Variants in DCAF10 observed in about 807,000 individuals in gnomAD.
The protein encoded by DCAF10 is DDB1 and CUL4 associated factor 10, also known as DDB1- and CUL4-associated factor 10.
Under a neutral mutation model 51.9 loss-of-function variants are expected in DCAF10, and 19 were observed. The observed-to-expected ratio is 0.37, with a 90% CI of 0.26 to 0.54. The LOEUF (loss-of-function observed/expected upper bound fraction) is 0.54. DCAF10 is among the 20% of genes least tolerant of loss of function. DCAF10 has a pLI of 0.87. For missense variants in DCAF10, 510 were observed against 730.6 expected, an observed-to-expected ratio of 0.70 and a Z score of 3.48; for synonymous variants, 291 against 297.1, an observed-to-expected ratio of 0.98 and a Z score of 0.21.
At chr9:37,805,432 G>A (rs142190953) in intron 1 of DCAF10, among the ~76,000 whole-genome samples, 251 of 152,070 alleles carry the variant, frequency 1.7e-3, no homozygotes, top group African/African-American at 2.3e-3. Context: ...TGCAGTGAGC[G>A]GAGATCACAT....
chr9:37,856,913 A>G (rs1447630858), intron 4 of DCAF10, among the ~76,000 whole-genome samples: 1 of 152,250 alleles, frequency 6.6e-6, no homozygotes, highest in Non-Finnish European at 1.5e-5. Context: ...ACATAAAACA[A>G]TAGGCTTAAG....
chr9:37,836,185 G>T (rs1003318884), intron 2 of DCAF10: 4 of 1,458,674 alleles, frequency 2.7e-6, no homozygotes, highest in Non-Finnish European at 3.8e-6. Flanking sequence ...AAGAAGCACG[G>T]AGTTCAGTAT....
chr9:37,840,980 T>C (rs1830318349), intron 2 of DCAF10, among the ~76,000 whole-genome samples: 4 of 152,236 alleles, frequency 2.6e-5, no homozygotes, highest in Non-Finnish European at 5.9e-5. Flanking sequence ...AGTGATAGGC[T>C]ATATACCATA....
Position 37,826,550 on chromosome 9 carries a change from G to A in DCAF10, c.653+7149G>A, listed in dbSNP as rs1829856417. Among the ~76,000 whole-genome samples, 4 of 152,174 alleles carry A rather than the reference G, an allele frequency of 2.6e-5. No homozygotes were observed. In the South Asian group the frequency reaches 8.3e-4, roughly 32 times the overall value. On this transcript the variant is annotated intron_variant, in intron 2 of 6. Transcript: ENST00000377724. ...CTCATAGGATCCACAAGAGCCCACA[G>A]GTTTGAGGTTGTTTGGTGTGGTGTA...
At chr9:37,853,152 C>CA (rs557423413) in intron 3 of DCAF10, among the ~76,000 whole-genome samples, 1,236 of 80,716 alleles carry the variant, frequency 0.015, 23 homozygotes, top group African/African-American at 0.035. Flanking sequence ...AACTCCGTCT[C>CA]AAAAAAAAAA....
chr9:37,823,165 T>C (rs1356198091), intron 2 of DCAF10, among the ~76,000 whole-genome samples: 1 of 152,206 alleles, frequency 6.6e-6, no homozygotes, highest in Non-Finnish European at 1.5e-5. Context: ...TTACAGTGTA[T>C]AGTTATAGAA....
intron 1 of DCAF10, among the ~76,000 whole-genome samples, 195 bp from the exon 2 acceptor site, chr9:37,819,093 C>T (rs1007923268): frequency 5.3e-5 from 8 of 152,010 alleles, no homozygotes; most frequent in Admixed American, 1.3e-4. Flanking sequence ...TTATACTCCA[C>T]GATAATGTAT....
rs377292254 is a variant in DCAF10, at chr9:37,832,746, A to G, written c.654-9343A>G. The stretch of plus-strand genomic sequence containing the variant: ...ATTAAAGAAAATGACATCAATTATG[A>G]CATGATAGACACCTCAAAGCATTAT... On this transcript the variant is annotated intron_variant, in intron 2 of 6. Transcript: ENST00000377724. 2.2e-4 allele frequency among the ~76,000 whole-genome samples: 34 copies of G among 152,354 alleles called. No homozygotes were observed. The East Asian group carries it at 5.8e-3, about 26-fold the overall frequency.
chr9:37,826,604 G>C (rs1829858181), intron 2 of DCAF10, among the ~76,000 whole-genome samples: 1 of 152,150 alleles, frequency 6.6e-6, no homozygotes, highest in African/African-American at 2.4e-5. Flanking sequence ...GGAGCCAACT[G>C]AGTGCCCACC....
chr9:37,859,023 A>G (rs986527385), intron 5 of DCAF10, among the ~76,000 whole-genome samples: 1 of 152,232 alleles, frequency 6.6e-6, no homozygotes, highest in African/African-American at 2.4e-5. Context: ...TGGTTTTGTT[A>G]TAGGTTTTCC....
At chr9:37,802,211 G>A (rs1828974583) in intron 1 of DCAF10, among the ~76,000 whole-genome samples, 1 of 152,174 alleles carries the variant, frequency 6.6e-6, no homozygotes, top group African/African-American at 2.4e-5. Flanking sequence ...TTGAGCACTT[G>A]CTATGTTCCA....
intron 3 of DCAF10, among the ~76,000 whole-genome samples, chr9:37,849,710 G>A (rs1206745719): frequency 2.0e-5 from 3 of 152,092 alleles, no homozygotes; most frequent in Non-Finnish European, 2.9e-5. Context: ...GTGAAACCCC[G>A]TGTCTACTAA....
chr9:37,854,476 A>T lies in DCAF10; in HGVS notation c.852-304A>T, dbSNP rs553349314. 8.5e-5 allele frequency among the ~76,000 whole-genome samples: 13 copies of T among 152,282 alleles called. No homozygotes were observed. The South Asian group carries it at 2.7e-3, about 32-fold the overall frequency. ...AGGGTACAATTTGATGTCTTGACAC[A>T]TATATGTTGTATAATGAGCAAATCA... On this transcript the variant is annotated intron_variant, in intron 3 of 6. Coordinates refer to ENST00000377724, the MANE Select transcript of DCAF10 (RefSeq NM_024345.5).
In DCAF10 at chr9:37,801,217, C is replaced by A. The variant is rs571881171; in HGVS notation, c.351C>A (p.Gly117=). 30 of 1,562,764 alleles carry A rather than the reference C, an allele frequency of 1.9e-5. No homozygotes were observed. The African/African-American group carries it at 4.1e-4, about 21-fold the overall frequency. The part of the protein sequence containing the change: ...RGRHGLGAGL[G]GPGARLFGWL... ...GACACGGCCTCGGCGCGGGCCTGGG[C>A]GGCCCTGGCGCTAGGCTGTTCGGGT... The change falls in exon 1 of 7, where the codon GGC becomes GGA. Residue 117 remains glycine (G), a synonymous_variant. Coordinates refer to ENST00000377724, the MANE Select transcript of DCAF10 (RefSeq NM_024345.5). This position sits in a 1 kb window ranked among gnomAD's most constrained non-coding sequence, Gnocchi z 5.5.
chr9:37,800,897 G>C lies in DCAF10; in HGVS notation c.31G>C (p.Gly11Arg). 6.7e-7 allele frequency: 1 copy of C among 1,498,946 alleles called. No homozygotes were observed. 92.9% of individuals were successfully genotyped at this position (1,498,946 alleles called of 1,614,324 possible). A position where few individuals can be genotyped will look rare whatever the true frequency, so the allele number is the denominator to read the frequency against. The change falls in exon 1 of 7, where the codon GGG becomes CGG. Residue 11 changes from glycine to arginine, a missense_variant. Transcript: ENST00000377724. MFPFGPHSPG[G>R]DGSAGAGAEE... ...TCCCTTTGGGCCCCATAGCCCTGGAGGGGACGGATCGGCCGGAGCCGGGGC... is the reference window on the plus strand; with the variant it reads ...TCCCTTTGGGCCCCATAGCCCTGGACGGGACGGATCGGCCGGAGCCGGGGC...
At chr9:37,856,572 C>G (rs940990877) in intron 4 of DCAF10, among the ~76,000 whole-genome samples, 4 of 152,176 alleles carry the variant, frequency 2.6e-5, no homozygotes, top group Non-Finnish European at 5.9e-5. Flanking sequence ...ATAGACACTG[C>G]TATTTGGAGT....
At chr9:37,853,676 G>A (rs1386518169) in intron 3 of DCAF10, among the ~76,000 whole-genome samples, 1 of 151,828 alleles carries the variant, frequency 6.6e-6, no homozygotes, top group Non-Finnish European at 1.5e-5. Flanking sequence ...GCGCAATCAT[G>A]GCTCACTGCA....
At chr9:37,803,824 GAGA>G (rs1308385011) in intron 1 of DCAF10, among the ~76,000 whole-genome samples, 1 of 150,784 alleles carries the variant, frequency 6.6e-6, no homozygotes, top group Non-Finnish European at 1.5e-5. Context: ...TCTCAATACA[GAGA>G]AGGAGGGGGT....
intron 5 of DCAF10, among the ~76,000 whole-genome samples, chr9:37,859,499 G>A (rs1187347214): frequency 6.6e-6 from 1 of 152,176 alleles, no homozygotes; most frequent in Non-Finnish European, 1.5e-5. Flanking sequence ...GTTTTGACAT[G>A]CCTTTATGTG....
Sources: gnomAD v4.1 joint callset for allele counts (sites outside exome capture counted in the v4.1 genomes callset) on GRCh38, gnomAD v4.1.1 for gene constraint, Gnocchi (gnomAD v3.1) non-coding constraint, MANE v1.5 for transcripts, NCBI Gene and HGNC (gene_info 2026-07-23, HGNC 2026-07-21) for gene names.